Variants in PCNX2 observed in about 807,000 individuals in gnomAD.
The protein encoded by PCNX2 is pecanex-like protein 2.
Under a neutral mutation model 223.8 loss-of-function variants are expected in PCNX2, and 168 were observed. The observed-to-expected ratio is 0.75, with a 90% CI of 0.66 to 0.85. The LOEUF (loss-of-function observed/expected upper bound fraction) is 0.85. Ranked by LOEUF, PCNX2 falls within the 40% of genes least tolerant of loss-of-function variation. The probability of loss-of-function intolerance (pLI) is 0.00; values close to 1 mark genes in which losing one functional copy is unlikely to be tolerated. For synonymous variants in PCNX2, 1,006 were observed against 1,052.6 expected (o/e 0.96, Z 0.86); for missense variants, 2,507 against 2,675.5 (o/e 0.94, Z 1.39).
Position 232,998,324 on chromosome 1 carries a change from C to T in PCNX2, c.5718G>A (p.Glu1906=), listed in dbSNP as rs760838321. Reference sequence around the variant, plus strand: ...CTTTTCTGGGCTGTTCTGCGCTGCTCTCCTGGCTGCCACCACTCGGGGCAT... The same window carrying T: ...CTTTTCTGGGCTGTTCTGCGCTGCTTTCCTGGCTGCCACCACTCGGGGCAT... ...GNNAPSGGSQ[E]SSAEQPRKGG... is the part of the protein sequence containing the mutation. The change falls in exon 32 of 34, where the codon GAG becomes GAA. Residue 1906 remains glutamate, a synonymous_variant. Coordinates refer to ENST00000258229, the MANE Select transcript of PCNX2 (RefSeq NM_014801.4). The T allele has an allele frequency of 3.1e-6, 5 of 1,613,158 alleles. No individual in the cohort carries two copies. The highest frequency in any genetic ancestry group is 4.2e-6 in the Non-Finnish European group (5 of 1,179,578).
chr1:233,140,903 G>A (rs1677068590), intron 19 of PCNX2, among the ~76,000 whole-genome samples: 1 of 152,026 alleles, frequency 6.6e-6, no homozygotes, highest in Admixed American at 6.6e-5. Context: ...GGCTGCAGTG[G>A]GCCCCCACCT....
chr1:233,170,000 C>A (rs977139757), intron 17 of PCNX2, among the ~76,000 whole-genome samples: 2 of 152,088 alleles, frequency 1.3e-5, no homozygotes, highest in East Asian at 3.9e-4. Context: ...GCTTCCTTTG[C>A]TCAACATTAC....
intron 21 of PCNX2, among the ~76,000 whole-genome samples, chr1:233,102,297 T>C (rs992814201): frequency 4.6e-5 from 7 of 152,164 alleles, no homozygotes; most frequent in Non-Finnish European, 1.0e-4. Flanking sequence ...GGACTGAGGT[T>C]GATTCCATAT....
chr1:233,129,787 G>C (rs946050843), intron 21 of PCNX2, among the ~76,000 whole-genome samples: 1 of 152,186 alleles, frequency 6.6e-6, no homozygotes, highest in Non-Finnish European at 1.5e-5. Flanking sequence ...GGACCAATCA[G>C]CTCTCCATAA....
At chr1:233,011,920 G>C (rs1185059758) in intron 28 of PCNX2, among the ~76,000 whole-genome samples, 1 of 152,140 alleles carries the variant, frequency 6.6e-6, no homozygotes, top group Non-Finnish European at 1.5e-5. Context: ...CCCAAAGAGG[G>C]AATTGTGGGA....
At chr1:233,052,888 G>C (rs1023848960) in intron 25 of PCNX2, among the ~76,000 whole-genome samples, 1 of 151,906 alleles carries the variant, frequency 6.6e-6, no homozygotes, top group African/African-American at 2.4e-5. Context: ...CTAGAAACTT[G>C]GGGGGCACAC....
intron 22 of PCNX2, 21 bp from the exon 23 acceptor site, chr1:233,090,211 CAAAA>C: frequency 7.5e-7 from 1 of 1,333,314 alleles, no homozygotes; most frequent in Non-Finnish European, 1.0e-6. Flanking sequence ...TGAGTTAAGG[CAAAA>C]AAAAAAATTA....
chr1:233,241,638 T>A (rs760560140), intron 8 of PCNX2, among the ~76,000 whole-genome samples: 15 of 152,152 alleles, frequency 9.9e-5, no homozygotes, highest in African/African-American at 3.6e-4. Context: ...TTTTTCAAAT[T>A]TGAAGCAGCA....
In PCNX2 at chr1:233,016,762, A is replaced by G. The variant is rs1670678405; in HGVS notation, c.4839+159T>C. The G allele has an allele frequency of 3.1e-6, 3 of 979,532 alleles. No individual in the cohort carries two copies. The South Asian group carries it at 1.4e-4, about 46-fold the overall frequency. The allele number at this position is 979,532 out of a possible 1,614,324, so 60.7% of individuals were successfully genotyped here. On this transcript the variant is annotated intron_variant, in intron 27 of 33. Transcript: ENST00000258229. ...CATGGTATATTGATTCTCCTATTTA[A>G]TTTTGCTTACCTTCAATAAACATCT... is the stretch of plus-strand genomic sequence containing the variant.
intron 10 of PCNX2, 61 bp from the exon 11 acceptor site, chr1:233,218,245 C>CA: frequency 3.5e-6 from 3 of 860,092 alleles, no homozygotes; most frequent in Non-Finnish European, 4.6e-6. Flanking sequence ...GTAAGTTTTG[C>CA]CTTTTTTTTT....
Position 233,135,210 on chromosome 1 carries a change from A to G in PCNX2, c.3660-20T>C, listed in dbSNP as rs754785320. On this transcript the variant is annotated intron_variant, in intron 20 of 33. Transcript: ENST00000258229. ...TCCCAGCTGTTGGAAACAAAAGAAA[A>G]GATGCAATCAATGACAGTGTGCACA... The G allele has an allele frequency of 4.4e-6, 7 of 1,607,362 alleles. No individual in the cohort carries two copies. The East Asian group carries it at 1.3e-4, about 31-fold the overall frequency.
intron 19 of PCNX2, among the ~76,000 whole-genome samples, chr1:233,144,936 G>T (rs1324980660): frequency 2.1e-5 from 3 of 140,620 alleles, no homozygotes; most frequent in Non-Finnish European, 4.6e-5. Flanking sequence ...GGTGCTATTT[G>T]TTGTTGTTGT....
rs145694068 is a variant in PCNX2 at position 233,183,631 on chromosome 1, A to G, written c.3067-4456T>C. Among the ~76,000 whole-genome samples the G allele has an allele frequency of 9.7e-3, 1,482 of 152,328 alleles. 12 individuals are homozygous for G. The highest frequency in any genetic ancestry group is 0.016 in the Non-Finnish European group (1,108 of 68,032). On this transcript the variant is annotated intron_variant, in intron 15 of 33. Transcript: ENST00000258229. ...TGAAACTTGAGTTTTATGCTTTCCTAAGAGTCCACGCATCAAACATTCATT... is the reference window on the plus strand; with the variant it reads ...TGAAACTTGAGTTTTATGCTTTCCTGAGAGTCCACGCATCAAACATTCATT...
chr1:233,175,407 T>C (rs1238598231), intron 17 of PCNX2, among the ~76,000 whole-genome samples: 1 of 152,218 alleles, frequency 6.6e-6, no homozygotes, highest in Non-Finnish European at 1.5e-5. Context: ...TGAAATACTA[T>C]CAACCTCTGC....
Position 233,268,444 on chromosome 1 carries a change from G to C in PCNX2, c.154-5281C>G, listed in dbSNP as rs1048874325. On this transcript the variant is annotated intron_variant, in intron 1 of 33. Coordinates refer to ENST00000258229, the MANE Select transcript of PCNX2 (RefSeq NM_014801.4). Reference sequence around the variant, plus strand: ...GCAGACATAAAGAAGGACACTCTTGGGGGCTCATCCTTTACTGATGTGTAC... The same window carrying C: ...GCAGACATAAAGAAGGACACTCTTGCGGGCTCATCCTTTACTGATGTGTAC... Among the ~76,000 whole-genome samples, 4 of 152,152 alleles carry C rather than the reference G, an allele frequency of 2.6e-5. No homozygotes were observed. The East Asian group carries it at 7.7e-4, about 29-fold the overall frequency.
Position 232,991,773 on chromosome 1 carries a change from C to G in PCNX2, c.5792-5233G>C, listed in dbSNP as rs1036547049. Among the ~76,000 whole-genome samples, 10 of 152,062 alleles carry G rather than the reference C, an allele frequency of 6.6e-5. No individual in the cohort carries two copies. Among genetic ancestry groups the G allele is most frequent in the Non-Finnish European group, 1.5e-4 (10 of 68,014 alleles). The stretch of plus-strand genomic sequence containing the variant: ...CCACAAGCTAGGGAAGGGTCCTGGA[C>G]CCCACTCCCCTCCAGCCCTCAGGAG... On this transcript the variant is annotated intron_variant, in intron 32 of 33. Coordinates refer to ENST00000258229, the MANE Select transcript of PCNX2 (RefSeq NM_014801.4). The surrounding 1 kb of genome is among the most constrained non-coding windows in gnomAD (Gnocchi z 4.3).
At chr1:233,319,571 G>A in the PCNX2 span, among the ~76,000 whole-genome samples, 2 of 152,218 alleles carry the variant, frequency 1.3e-5, no homozygotes, top group Non-Finnish European at 2.9e-5. Context: ...TTTGCCTTTA[G>A]TAACATCTTT....
In PCNX2 at chr1:233,258,976, T is replaced by G. The variant is rs1265068571; in HGVS notation, c.886A>C (p.Arg296=). ...GGTGACTTGCTTTGTACCCGTTCCC[T>G]TATGGAGCCCCGGGGACAACTGACA... ...EPVSCPRGSI[R]ERVQSKSPQD... The change falls in exon 5 of 34, where the codon AGG becomes CGG. Residue 296 remains arginine, a synonymous_variant. Transcript: ENST00000258229. 1 of 1,613,794 alleles carries G rather than the reference T, an allele frequency of 6.2e-7. No homozygotes were observed. Among genetic ancestry groups the G allele is most frequent in the African/African-American group, 1.3e-5 (1 of 74,886 alleles).
chr1:233,070,280 C>T (rs914924578), intron 23 of PCNX2, among the ~76,000 whole-genome samples: 2 of 151,772 alleles, frequency 1.3e-5, no homozygotes, highest in Non-Finnish European at 2.9e-5. Context: ...AATTCTACCA[C>T]GTTTAAAAAA....
Sources: allele counts gnomAD v4.1 joint callset (sites outside exome capture counted in the v4.1 genomes callset), GRCh38; gene constraint gnomAD v4.1.1; non-coding constraint Gnocchi (gnomAD v3.1); transcripts MANE v1.5; gene names NCBI Gene and HGNC (gene_info 2026-07-23, HGNC 2026-07-21).